The following BRAF variants were observed in gnomAD, a reference collection of about 807,000 sequenced individuals.
The protein encoded by BRAF is B-Raf proto-oncogene, serine/threonine kinase.
BRAF carries 16 observed loss-of-function variants against 104.6 expected under a neutral mutation model. The observed-to-expected ratio is 0.15, with a 90% confidence interval of 0.10 to 0.23. BRAF has a LOEUF of 0.23. Ranked by LOEUF, BRAF falls within the 10% of genes least tolerant of loss-of-function variation. The pLI, the probability that BRAF is intolerant of heterozygous loss-of-function variation, is 1.00. For missense variants in BRAF, 541 were observed against 937.3 expected (o/e 0.58, Z 5.52); for synonymous variants, 310 against 341.6 (o/e 0.91, Z 1.02).
chr7:140,885,158 T>C (rs766637289), intron 1 of BRAF, among the ~76,000 whole-genome samples: 1 of 152,054 alleles, frequency 6.6e-6, no homozygotes, highest in African/African-American at 2.4e-5. Context: ...AGGCATGTGC[T>C]ACCACACCCA....
chr7:140,717,869 T>C (rs989222362), downstream of BRAF, among the ~76,000 whole-genome samples: 5 of 152,192 alleles, frequency 3.3e-5, no homozygotes, highest in African/African-American at 1.2e-4. Context: ...CTGCAGTTCA[T>C]AGGAAATTAA....
intron 17 of BRAF, among the ~76,000 whole-genome samples, chr7:140,746,702 C>T (rs534205159): frequency 5.3e-5 from 8 of 151,802 alleles, no homozygotes; most frequent in South Asian, 4.2e-4. Context: ...TGTAGTGCTG[C>T]GTGCCTGTAA....
chr7:140,911,303 G>C (rs574669263), intron 1 of BRAF, among the ~76,000 whole-genome samples: 3 of 152,266 alleles, frequency 2.0e-5, no homozygotes, highest in African/African-American at 7.2e-5. Flanking sequence ...CCTCAGTCCT[G>C]CTATGCAAAT....
At chr7:140,822,920 A>T (rs752021720) in intron 3 of BRAF, among the ~76,000 whole-genome samples, 2 of 152,094 alleles carry the variant, frequency 1.3e-5, no homozygotes, top group Non-Finnish European at 2.9e-5. Context: ...ACTCCTGGGC[A>T]CAAGTGATCC....
chr7:140,788,992 C>T (rs1415402373), intron 8 of BRAF, among the ~76,000 whole-genome samples: 4 of 151,204 alleles, frequency 2.6e-5, no homozygotes, highest in African/African-American at 4.9e-5. Flanking sequence ...TGGTGGATCA[C>T]GAGGTTAGGA....
intron 1 of BRAF, among the ~76,000 whole-genome samples, chr7:140,858,654 A>G (rs1225150394): frequency 6.6e-6 from 1 of 152,184 alleles, no homozygotes; most frequent in African/African-American, 2.4e-5. Context: ...TCTTGGGACA[A>G]CCATGGAAAT....
At chr7:140,876,754 C>T (rs537030345) in intron 1 of BRAF, among the ~76,000 whole-genome samples, 1 of 152,162 alleles carries the variant, frequency 6.6e-6, no homozygotes, top group South Asian at 2.1e-4. Flanking sequence ...GACAGAAAAT[C>T]AGTAAGAATA....
chr7:140,868,749 A>G (rs1811243902), intron 1 of BRAF, among the ~76,000 whole-genome samples: 2 of 152,306 alleles, frequency 1.3e-5, no homozygotes, highest in East Asian at 1.9e-4. Context: ...GTTACTTTTG[A>G]AAAAAAGGAA....
chr7:140,873,433 G>C (rs1271770726), intron 1 of BRAF, among the ~76,000 whole-genome samples: 1 of 152,138 alleles, frequency 6.6e-6, no homozygotes, highest in East Asian at 1.9e-4. Flanking sequence ...GCCTCCCAAA[G>C]TGCTGAAATA....
chr7:140,726,373 T>C lies in BRAF; in HGVS notation c.*121A>G. On this transcript the variant is annotated 3_prime_UTR_variant, in exon 20 of 20. Transcript: ENST00000644969. Reference sequence around the variant, plus strand: ...AATTCCATTCTGTTCCACATCAGCTTATGCATTGGAAATTTTGTATCTTTA... The same window carrying C: ...AATTCCATTCTGTTCCACATCAGCTCATGCATTGGAAATTTTGTATCTTTA... 3 of 1,501,436 alleles carry C rather than the reference T, an allele frequency of 2.0e-6. No homozygotes were observed. Among genetic ancestry groups the C allele is most frequent in the Non-Finnish European group, 2.6e-6 (3 of 1,132,920 alleles). The allele number at this position is 1,501,436 out of a possible 1,614,324, so 93.0% of individuals were successfully genotyped here.
rs186712243 is a variant in BRAF at position 140,788,081 on chromosome 7, T to C, written c.1141-497A>G. ...TGGGATAATCTGTGTGGCAAACCGC[T>C]GTGGCACATGTTGACCTACGTAACA... On this transcript the variant is annotated intron_variant, in intron 8 of 19. Transcript: ENST00000644969. Among the ~76,000 whole-genome samples the C allele has an allele frequency of 2.3e-3, 353 of 152,278 alleles. 1 individual carries two copies. The highest frequency in any genetic ancestry group is 4.2e-3 in the Non-Finnish European group (289 of 68,016).
chr7:140,789,064 A>T (rs1026322189), intron 8 of BRAF, among the ~76,000 whole-genome samples: 14 of 151,704 alleles, frequency 9.2e-5, no homozygotes, highest in African/African-American at 3.1e-4. Context: ...CAAAAATTAG[A>T]CAGGCATGGT....
chr7:140,888,782 C>A (rs1813875968), intron 1 of BRAF, among the ~76,000 whole-genome samples: 1 of 151,814 alleles, frequency 6.6e-6, no homozygotes, highest in Non-Finnish European at 1.5e-5. Context: ...TTGCAGTGGG[C>A]CGAGATTGCG....
chr7:140,776,670 T>A lies in BRAF; in HGVS notation c.1814+242A>T, dbSNP rs66565115. On this transcript the variant is annotated intron_variant, in intron 14 of 19. Coordinates refer to ENST00000644969, the MANE Select transcript of BRAF (RefSeq NM_001374258.1). ...TCTCTTGCTTAGCTCAATCACTGAG[T>A]GCTAAGCCTAAGTTTGCAGTCATGT... 0.08 allele frequency among the ~76,000 whole-genome samples: 12,212 copies of A among 152,226 alleles called. 1,539 individuals carry two copies. The highest frequency in any genetic ancestry group is 0.27 in the African/African-American group (11,303 of 41,478).
chr7:140,783,462 A>C (rs1168273138), intron 10 of BRAF: 2 of 265,948 alleles, frequency 7.5e-6, no homozygotes, highest in Non-Finnish European at 1.4e-5. Flanking sequence ...AGAAATACTA[A>C]AAATACTCCC....
At chr7:140,857,909 C>T (rs1439392416) in intron 1 of BRAF, among the ~76,000 whole-genome samples, 2 of 152,110 alleles carry the variant, frequency 1.3e-5, no homozygotes, top group African/African-American at 4.8e-5. Flanking sequence ...GGTGGGAGAG[C>T]AGTTGCTCAC....
intron 1 of BRAF, among the ~76,000 whole-genome samples, chr7:140,903,732 T>G (rs577076429): frequency 5.3e-5 from 8 of 152,340 alleles, no homozygotes; most frequent in African/African-American, 1.9e-4. Context: ...TAAAGAACAT[T>G]TGTAATTCAT....
rs553562368 is a variant in BRAF, at chr7:140,825,489, C to T, written c.504+9120G>A. ...TCATATTTAAGAAATCTTTGCCAAA[C>T]CCCAGGTCACAAAAATTTTCTGTAG... On this transcript the variant is annotated intron_variant, in intron 3 of 19. Coordinates refer to ENST00000644969, the MANE Select transcript of BRAF (RefSeq NM_001374258.1). Among the ~76,000 whole-genome samples the T allele has an allele frequency of 5.3e-4, 80 of 152,268 alleles. 1 individual carries two copies. The highest frequency in any genetic ancestry group is 6.8e-3 in the Middle Eastern group (2 of 294).
At chr7:140,792,764 T>A (rs553821989) in intron 8 of BRAF, among the ~76,000 whole-genome samples, 2 of 152,374 alleles carry the variant, frequency 1.3e-5, no homozygotes, top group South Asian at 4.1e-4. Context: ...TAATTCCCAA[T>A]TGCCTAACAC....
Sources: allele counts gnomAD v4.1 joint callset (sites outside exome capture counted in the v4.1 genomes callset), GRCh38; gene constraint gnomAD v4.1.1; transcripts MANE v1.5; gene names NCBI Gene and HGNC (gene_info 2026-07-23, HGNC 2026-07-21).